The following SLC26A3 variants were observed in gnomAD, a reference collection of about 807,000 sequenced individuals.
SLC26A3 encodes the protein solute carrier family 26 member 3, also known as chloride anion exchanger.
Under a neutral mutation model 85.6 loss-of-function variants are expected in SLC26A3, and 64 were observed. That is an observed-to-expected ratio of 0.75 (90% CI 0.61 to 0.92). SLC26A3 has a LOEUF of 0.92. Ranked by LOEUF, SLC26A3 falls within the 40% of genes least tolerant of loss-of-function variation. The pLI is 0.00. For missense variants in SLC26A3, 922 were observed against 927.3 expected (o/e 0.99, Z 0.07); for synonymous variants, 349 against 336.0 (o/e 1.04, Z -0.42).
rs75705299 is a variant in SLC26A3 at position 107,795,404 on chromosome 7, C to T, written c.-88-807G>A. On this transcript the variant is annotated intron_variant, in intron 1 of 20. Transcript: ENST00000340010. ...AAATGTTTAAGTTTTTAATTCTTAT[C>T]TCAATCCTGTTTCTATTATGCTTAA... 5.8e-3 allele frequency among the ~76,000 whole-genome samples: 886 copies of T among 152,282 alleles called. 12 individuals carry two copies. The highest frequency in any genetic ancestry group is 0.02 in the African/African-American group (833 of 41,558).
chr7:107,767,512 T>G, intron 20 of SLC26A3, 67 bp downstream of exon 20: 1 of 1,196,788 alleles, frequency 8.4e-7, no homozygotes. Flanking sequence ...GGAAGTGGCC[T>G]CACTACTTTG....
At chr7:107,800,168 C>T (rs1447605707) in intron 1 of SLC26A3, among the ~76,000 whole-genome samples, 3 of 152,174 alleles carry the variant, frequency 2.0e-5, no homozygotes, top group African/African-American at 7.2e-5. Flanking sequence ...TTCTTCTTCT[C>T]CAATACCTGG....
Position 107,774,093 on chromosome 7 carries a change from G to T in SLC26A3, c.1834C>A (p.Gln612Lys). Reference sequence around the variant, plus strand: ...ATTGGCTGGTCCAGTACTTCTATCTGATTGTTGTCCAGCTCTTCGTCAGAA... The same window carrying T: ...ATTGGCTGGTCCAGTACTTCTATCTTATTGTTGTCCAGCTCTTCGTCAGAA... ...KDSDEELDNN[Q>K]IEVLDQPINT... Residue 612 changes from glutamine (Q) to lysine (K), a missense_variant, in exon 17 of 21, where the codon CAG becomes AAG. Gln to Lys is a moderately conservative substitution (Grantham distance 53, BLOSUM62 1). Coordinates refer to ENST00000340010, the MANE Select transcript of SLC26A3 (RefSeq NM_000111.3). 1 of 1,614,146 alleles carries T rather than the reference G, an allele frequency of 6.2e-7. No homozygotes were observed. The highest frequency in any genetic ancestry group is 8.5e-7 in the Non-Finnish European group (1 of 1,180,010).
At chr7:107,779,549 T>C (rs1264193965) in intron 12 of SLC26A3, 119 bp downstream of exon 12, 20 of 803,882 alleles carry the variant, frequency 2.5e-5, no homozygotes, top group Non-Finnish European at 4.1e-6. Context: ...TAAGGTTTTT[T>C]TGAACAGATA....
At chr7:107,793,929 A>G (rs1294304594) in intron 2 of SLC26A3, 48 bp from the exon 3 acceptor site, 1 of 1,613,476 alleles carries the variant, frequency 6.2e-7, no homozygotes, top group Admixed American at 1.7e-5. Context: ...TCAAATTTTA[A>G]GTTTAGTACC....
chr7:107,789,794 C>G (rs1388728576), intron 5 of SLC26A3, 106 bp from the exon 6 acceptor site: 3 of 1,220,490 alleles, frequency 2.5e-6, no homozygotes, highest in Non-Finnish European at 3.5e-6. Flanking sequence ...AAGGCTCAAC[C>G]TGTATGTACA....
chr7:107,779,879 C>T, intron 11 of SLC26A3, 116 bp from the exon 12 acceptor site: 4 of 829,904 alleles, frequency 4.8e-6, no homozygotes, highest in Non-Finnish European at 8.1e-6. Flanking sequence ...CAAATCAAAG[C>T]ATTACACCCT....
At chr7:107,781,018 G>A (rs556270742) in intron 11 of SLC26A3, among the ~76,000 whole-genome samples, 466 of 152,238 alleles carry the variant, frequency 3.1e-3, no homozygotes, top group African/African-American at 0.01. Context: ...ACACCTGTGC[G>A]AAGAGACTTT....
chr7:107,776,480 C>T lies in SLC26A3; in HGVS notation c.1649G>A (p.Gly550Asp). 1 of 1,614,038 alleles carries T rather than the reference C, an allele frequency of 6.2e-7. No individual in the cohort carries two copies. ...CPSPIYFANI[G>D]FFRRKLIDAV... is the part of the protein sequence containing the mutation. ...ATCGATAAGTTTCCGCCTAAAGAAACCAATGTTTGCAAAGTAGATAGGAGA... is the reference window on the plus strand; with the variant it reads ...ATCGATAAGTTTCCGCCTAAAGAAATCAATGTTTGCAAAGTAGATAGGAGA... The change falls in exon 15 of 21, where the codon GGT becomes GAT. Residue 550 changes from glycine (G) to aspartate (D), a missense_variant. Gly to Asp is a moderately conservative substitution (Grantham distance 94, BLOSUM62 -1). Transcript: ENST00000340010.
At chr7:107,792,255 G>A (rs557195993) in intron 3 of SLC26A3, among the ~76,000 whole-genome samples, 1 of 152,140 alleles carries the variant, frequency 6.6e-6, no homozygotes, top group African/African-American at 2.4e-5. Context: ...TAGGGAAGGG[G>A]AGATGGTTTT....
chr7:107,772,076 A>G lies in SLC26A3; in HGVS notation c.2040T>C (p.Asp680=). ...ILQEFIRIKV[D]VYIVGTDDDF... ...TACCATCAGTTCCAACGATATACAC[A>G]TCTACCTTGATCCTGATAAATTCTT... Residue 680 remains aspartate (D), a synonymous_variant, in exon 18 of 21, where the codon GAT becomes GAC. Coordinates refer to ENST00000340010, the MANE Select transcript of SLC26A3 (RefSeq NM_000111.3). The G allele has an allele frequency of 6.2e-7, 1 of 1,612,472 alleles. No homozygotes were observed. The highest frequency in any genetic ancestry group is 8.5e-7 in the Non-Finnish European group (1 of 1,178,540).
chr7:107,802,380 C>T (rs934534755), intron 1 of SLC26A3, among the ~76,000 whole-genome samples: 17 of 151,986 alleles, frequency 1.1e-4, no homozygotes, highest in African/African-American at 3.9e-4. Flanking sequence ...CTGCTACTTT[C>T]CAGTGACCAT....
chr7:107,782,425 G>A (rs1306357277), intron 11 of SLC26A3, among the ~76,000 whole-genome samples: 1 of 152,154 alleles, frequency 6.6e-6, no homozygotes, highest in Non-Finnish European at 1.5e-5. Flanking sequence ...TGTGTGGCTG[G>A]TAGGGCCATT....
chr7:107,797,808 T>C (rs1490170303), intron 1 of SLC26A3, among the ~76,000 whole-genome samples: 2 of 147,330 alleles, frequency 1.4e-5, no homozygotes, highest in Non-Finnish European at 1.5e-5. Context: ...TCTCGGCTCA[T>C]CTTTAATTAG....
chr7:107,802,063 G>T (rs1376459409), intron 1 of SLC26A3, among the ~76,000 whole-genome samples: 3 of 146,728 alleles, frequency 2.0e-5, no homozygotes, highest in Non-Finnish European at 4.5e-5. Context: ...CTGCACTCCA[G>T]CCTGGGCGAC....
chr7:107,791,345 C>T, intron 4 of SLC26A3, 110 bp from the exon 5 acceptor site: 1 of 1,183,940 alleles, frequency 8.4e-7, no homozygotes, highest in Non-Finnish European at 1.3e-6. Flanking sequence ...GGCGTGGTGG[C>T]TCACGCCTGT....
At chr7:107,780,766 A>G (rs1431678886) in intron 11 of SLC26A3, among the ~76,000 whole-genome samples, 1 of 152,210 alleles carries the variant, frequency 6.6e-6, no homozygotes, top group Non-Finnish European at 1.5e-5. Flanking sequence ...TAGAAGAAAT[A>G]TGGTCTTAAG....
At chr7:107,800,164 T>C (rs1286467037) in intron 1 of SLC26A3, among the ~76,000 whole-genome samples, 27 of 152,238 alleles carry the variant, frequency 1.8e-4, no homozygotes, top group Admixed American at 1.8e-3. Context: ...TGTGTTCTTC[T>C]TCTCCAATAC....
rs1262726188 is a variant in SLC26A3 at position 107,783,326 on chromosome 7, A to G, written c.998T>C (p.Val333Ala). The change falls in exon 9 of 21, where the codon GTG becomes GCG. Residue 333 changes from valine to alanine, a missense_variant. Coordinates refer to ENST00000340010, the MANE Select transcript of SLC26A3 (RefSeq NM_000111.3). Reference protein sequence around the residue: ...PGFQPPITPDVETFQNTVGDC... With the variant: ...PGFQPPITPDAETFQNTVGDC... ...TCCTACGGTGTTTTGGAAAGTCTCC[A>G]CGTCAGGTGTAATAGGGGGCTGAAA... The G allele has an allele frequency of 6.2e-7, 1 of 1,614,190 alleles. No individual in the cohort carries two copies. Among genetic ancestry groups the G allele is most frequent in the Admixed American group, 1.7e-5 (1 of 60,018 alleles).
Sources: allele counts gnomAD v4.1 joint callset (sites outside exome capture counted in the v4.1 genomes callset), GRCh38; gene constraint gnomAD v4.1.1; transcripts MANE v1.5; gene names NCBI Gene and HGNC (gene_info 2026-07-23, HGNC 2026-07-21).